Variants in RPRD2 observed in about 807,000 individuals in gnomAD.
The protein encoded by RPRD2 is regulation of nuclear pre-mRNA domain-containing protein 2.
In RPRD2, 12 loss-of-function variants were observed where a neutral mutation model predicts 104.4. The ratio of observed to expected loss-of-function variants is 0.11; its 90% CI spans 0.07 to 0.19. RPRD2 has a LOEUF of 0.19. Among genes scored for constraint, RPRD2 ranks in the 10% least tolerant of loss-of-function variants. The pLI, the probability that RPRD2 is intolerant of heterozygous loss-of-function variation, is 1.00. For missense variants in RPRD2, 1,543 were observed against 1,790.1 expected (o/e 0.86, Z 2.49); for synonymous variants, 714 against 684.9 (o/e 1.04, Z -0.66).
intron 9 of RPRD2, among the ~76,000 whole-genome samples, chr1:150,464,135 G>T (rs910009548): frequency 6.6e-6 from 1 of 151,650 alleles, no homozygotes; most frequent in African/African-American, 2.4e-5. Context: ...TCAGCCTCCC[G>T]AGTAGCTGGG....
intron 2 of RPRD2, among the ~76,000 whole-genome samples, chr1:150,428,512 G>C (rs587775266): frequency 3.6e-4 from 54 of 151,226 alleles, no homozygotes; most frequent in Middle Eastern, 3.4e-3. Context: ...CAGCTTCAAG[G>C]GTTTTTGACT....
chr1:150,411,289 C>T (rs920884106), intron 1 of RPRD2, among the ~76,000 whole-genome samples: 3 of 148,530 alleles, frequency 2.0e-5, no homozygotes, highest in African/African-American at 7.5e-5. Flanking sequence ...GATGAAACCC[C>T]GTTTCTACTA....
chr1:150,420,941 A>G (rs755525293), intron 2 of RPRD2, among the ~76,000 whole-genome samples: 4 of 152,244 alleles, frequency 2.6e-5, no homozygotes, highest in Non-Finnish European at 5.9e-5. Context: ...TTTTCTGTAA[A>G]GGGTCGATAG....
chr1:150,416,219 T>C (rs1664316498), intron 1 of RPRD2, among the ~76,000 whole-genome samples: 1 of 152,100 alleles, frequency 6.6e-6, no homozygotes, highest in Admixed American at 6.6e-5. Flanking sequence ...GACAAGAGTA[T>C]GAGGGTTTTA....
intron 9 of RPRD2, among the ~76,000 whole-genome samples, chr1:150,463,229 A>G (rs1319162421): frequency 6.6e-6 from 1 of 152,182 alleles, no homozygotes; most frequent in Non-Finnish European, 1.5e-5. Flanking sequence ...AGGCAAATGC[A>G]GGAGGATCAC....
rs1553888803 is a variant in RPRD2, at chr1:150,417,598, G to A, written c.208G>A (p.Ala70Thr). 2 of 1,554,230 alleles carry A rather than the reference G, an allele frequency of 1.3e-6. No homozygotes were observed. The highest frequency in any genetic ancestry group is 1.4e-5 in the African/African-American group (1 of 73,666). Residue 70 changes from alanine (A) to threonine (T), a missense_variant and splice_region_variant, in exon 2 of 11, where the codon GCA (alanine) becomes ACA (threonine). Transcript: ENST00000369068. Reference sequence around the variant, plus strand: ...TTATTGTCTTTTGTCATCTCTAGCTGCATATCCCCACCGTTTGAATCTCTT... The same window carrying A: ...TTATTGTCTTTTGTCATCTCTAGCTACATATCCCCACCGTTTGAATCTCTT... ...YHWMKWLRRS[A>T]YPHRLNLFYL...
intron 7 of RPRD2, among the ~76,000 whole-genome samples, chr1:150,452,827 C>T (rs1006511830): frequency 2.0e-5 from 3 of 151,820 alleles, no homozygotes; most frequent in Admixed American, 1.3e-4. Context: ...TTCGCCACCA[C>T]GCCTGCCTAA....
intron 1 of RPRD2, among the ~76,000 whole-genome samples, chr1:150,387,585 T>C (rs1553882138): frequency 3.7e-5 from 3 of 80,966 alleles, no homozygotes; most frequent in African/African-American, 1.6e-4. Context: ...TTTTTTTTTT[T>C]TTTTTTTTTT....
chr1:150,453,128 G>A (rs1393159577), intron 7 of RPRD2, among the ~76,000 whole-genome samples: 1 of 151,594 alleles, frequency 6.6e-6, no homozygotes, highest in Non-Finnish European at 1.5e-5. Flanking sequence ...TGTCTCCCGG[G>A]TTCAAGCGAT....
At chr1:150,408,158 ATTTTTTT>A (rs10684924) in intron 1 of RPRD2, among the ~76,000 whole-genome samples, 16 of 95,098 alleles carry the variant, frequency 1.7e-4, no homozygotes, top group African/African-American at 7.0e-4. Flanking sequence ...TATTCATATG[ATTTTTTT>A]TTTTTTTTTT....
intron 10 of RPRD2, among the ~76,000 whole-genome samples, chr1:150,469,363 T>A (rs587701877): frequency 1.3e-5 from 2 of 152,262 alleles, no homozygotes; most frequent in East Asian, 3.9e-4. Flanking sequence ...TACTGTAACC[T>A]TGAACTGGGC....
chr1:150,407,647 T>G, intron 1 of RPRD2, among the ~76,000 whole-genome samples: 1 of 152,232 alleles, frequency 6.6e-6, no homozygotes, highest in South Asian at 2.1e-4. Flanking sequence ...TCTGCTACCT[T>G]GATACTTTTT....
intron 1 of RPRD2, among the ~76,000 whole-genome samples, chr1:150,403,783 G>A (rs1663255688): frequency 6.6e-6 from 1 of 152,036 alleles, no homozygotes; most frequent in African/African-American, 2.4e-5. Context: ...CGAGTAGCTG[G>A]CACTACTGGT....
intron 1 of RPRD2, among the ~76,000 whole-genome samples, chr1:150,415,404 C>A (rs980937502): frequency 1.3e-5 from 2 of 151,850 alleles, no homozygotes; most frequent in African/African-American, 4.8e-5. Flanking sequence ...GAGGATAAGC[C>A]AGGTGCAGTA....
At chr1:150,445,172 C>T (rs587728933) in intron 6 of RPRD2, among the ~76,000 whole-genome samples, 3 of 152,014 alleles carry the variant, frequency 2.0e-5, no homozygotes, top group Non-Finnish European at 4.4e-5. Context: ...CAGAAGAGAC[C>T]GTCTCTAAAG....
At chr1:150,405,847 A>G (rs1663429505) in intron 1 of RPRD2, among the ~76,000 whole-genome samples, 1 of 152,126 alleles carries the variant, frequency 6.6e-6, no homozygotes, top group Admixed American at 6.6e-5. Flanking sequence ...GACGCTTCCC[A>G]CCCATTAGTG....
chr1:150,440,711 A>G (rs1666359068), intron 2 of RPRD2, among the ~76,000 whole-genome samples: 2 of 152,294 alleles, frequency 1.3e-5, no homozygotes, highest in South Asian at 2.1e-4. Flanking sequence ...TCATTTACAA[A>G]AGTGTTGAAT....
chr1:150,370,729 A>C (rs1553878191), intron 1 of RPRD2, among the ~76,000 whole-genome samples: 2 of 151,792 alleles, frequency 1.3e-5, no homozygotes, highest in Non-Finnish European at 2.9e-5. Context: ...TACACACACC[A>C]CACCCAGCTA....
intron 1 of RPRD2, among the ~76,000 whole-genome samples, chr1:150,388,591 A>G (rs1196509517): frequency 6.7e-6 from 1 of 150,326 alleles, no homozygotes; most frequent in Non-Finnish European, 1.5e-5. Context: ...GTTTATTAAA[A>G]CCAATGAATC....
Sources: allele counts gnomAD v4.1 joint callset (sites outside exome capture counted in the v4.1 genomes callset), GRCh38; gene constraint gnomAD v4.1.1; transcripts MANE v1.5; gene names NCBI Gene and HGNC (gene_info 2026-07-23, HGNC 2026-07-21).